STIM1: variants seen among roughly 807,000 people sequenced by gnomAD.
STIM1 encodes the protein stromal interaction molecule 1.
STIM1 carries 25 observed loss-of-function variants against 74.7 expected under a neutral mutation model. That is an observed-to-expected ratio of 0.33 (90% CI 0.24 to 0.47). The LOEUF is 0.47. STIM1 is among the 20% of genes least tolerant of loss of function. STIM1 has a pLI of 1.00. For synonymous variants in STIM1, 328 were observed against 348.8 expected (o/e 0.94, Z 0.66); for missense variants, 728 against 920.8 (o/e 0.79, Z 2.71).
chr11:3,965,002 G>C (rs893930500), intron 1 of STIM1, among the ~76,000 whole-genome samples: 1 of 152,218 alleles, frequency 6.6e-6, no homozygotes, highest in African/African-American at 2.4e-5. Context: ...TGGGATCACA[G>C]GTGTGAGCCA....
intron 1 of STIM1, among the ~76,000 whole-genome samples, chr11:3,920,669 G>C (rs2092706123): frequency 6.6e-6 from 1 of 152,150 alleles, no homozygotes; most frequent in South Asian, 2.1e-4. Context: ...ATAGTGGGAA[G>C]GCTAAGTGGA....
intron 2 of STIM1, among the ~76,000 whole-genome samples, chr11:3,998,705 G>C (rs1172357881): frequency 6.6e-6 from 1 of 152,106 alleles, no homozygotes; most frequent in Non-Finnish European, 1.5e-5. Flanking sequence ...GAGAACTAAG[G>C]GAACAAATAG....
intron 1 of STIM1, among the ~76,000 whole-genome samples, chr11:3,870,737 A>G (rs2091052241): frequency 1.3e-5 from 2 of 151,930 alleles, no homozygotes; most frequent in Admixed American, 1.3e-4. Context: ...AGCTCAAGCA[A>G]TCCACCCACC....
chr11:4,076,619 A>G (rs2094438861), intron 7 of STIM1, among the ~76,000 whole-genome samples: 1 of 149,696 alleles, frequency 6.7e-6, no homozygotes, highest in Non-Finnish European at 1.5e-5. Flanking sequence ...GTCTTTTCAC[A>G]TTTAGGGATA....
At chr11:3,967,733 T>A in intron 2 of STIM1, 51 bp downstream of exon 2, 3 of 1,612,542 alleles carry the variant, frequency 1.9e-6, no homozygotes, top group Non-Finnish European at 2.5e-6. Context: ...TGTGAATTAG[T>A]CTTTGAAAGC....
chr11:3,862,962 G>A (rs549524584), intron 1 of STIM1, among the ~76,000 whole-genome samples: 9 of 151,750 alleles, frequency 5.9e-5, no homozygotes, highest in Admixed American at 5.3e-4. Context: ...GCGCCATCTC[G>A]GCTCACTGCA....
chr11:4,086,821 G>C, intron 12 of STIM1: 1 of 1,536,334 alleles, frequency 6.5e-7, no homozygotes, highest in Non-Finnish European at 8.7e-7. Context: ...ACCCCCTTCT[G>C]ACAGCACCGC....
intron 2 of STIM1, among the ~76,000 whole-genome samples, chr11:3,987,372 C>CTGTGACACTTCATAAGCTT (rs2093567052): frequency 6.6e-6 from 1 of 152,178 alleles, no homozygotes; most frequent in South Asian, 2.1e-4. Context: ...TCTTTTTCCT[C>CTGTGACACTTCATAAGCTT]TGTGACACTT....
chr11:3,997,462 C>T (rs2135885387), intron 2 of STIM1, among the ~76,000 whole-genome samples: 1 of 152,076 alleles, frequency 6.6e-6, no homozygotes, highest in Admixed American at 6.5e-5. Context: ...CAAGACCAGC[C>T]TTAGCAATAT....
chr11:4,016,882 C>T (rs1259133393), intron 2 of STIM1, among the ~76,000 whole-genome samples: 1 of 152,238 alleles, frequency 6.6e-6, no homozygotes, highest in African/African-American at 2.4e-5. Flanking sequence ...GAGCCAGGCA[C>T]AGGAGGGAAT....
Position 3,948,018 on chromosome 11 carries a change from A to C in STIM1, c.140-19534A>C, listed in dbSNP as rs2057525107. ...TTGTGGAGAAAGCAAAAAGACACTC[A>C]AGTTCCATTCTAGAGGAGCTAACAG... On this transcript the variant is annotated intron_variant, in intron 1 of 12. Transcript: ENST00000526596. 3.3e-5 allele frequency among the ~76,000 whole-genome samples: 5 copies of C among 152,158 alleles called. No homozygotes were observed. The South Asian group carries it at 1.0e-3, about 31-fold the overall frequency.
At chr11:4,069,403 CT>C (rs2094389436) in intron 5 of STIM1, among the ~76,000 whole-genome samples, 1 of 152,098 alleles carries the variant, frequency 6.6e-6, no homozygotes, top group African/African-American at 2.4e-5. Flanking sequence ...GGTATAATGT[CT>C]CATCCATATG....
chr11:3,869,919 G>C (rs931633235), intron 1 of STIM1, among the ~76,000 whole-genome samples: 1 of 152,136 alleles, frequency 6.6e-6, no homozygotes, highest in African/African-American at 2.4e-5. Flanking sequence ...GGGAAGGAAA[G>C]AAAGAAAAGA....
chr11:3,885,914 AGGCGTGAGCCACTGTGCGT>A (rs750750005), intron 1 of STIM1, among the ~76,000 whole-genome samples: 4 of 152,340 alleles, frequency 2.6e-5, no homozygotes, highest in Non-Finnish European at 4.4e-5. Flanking sequence ...TTGGGATTAC[AGGCGTGAGCCACTGTGCGT>A]GGCCCCATTC....
In STIM1 at chr11:3,916,543, C is replaced by T. The variant is rs999394005; in HGVS notation, c.140-51009C>T. ...CTCGGCTCACTGCAACCTCTGCCTC[C>T]TGGGTTCAAGTGATTCTCCTGCCTC... is the stretch of plus-strand genomic sequence containing the variant. On this transcript the variant is annotated intron_variant, in intron 1 of 12. Coordinates refer to ENST00000526596, the MANE Select transcript of STIM1 (RefSeq NM_001382567.1). 2.6e-5 allele frequency among the ~76,000 whole-genome samples: 4 copies of T among 151,772 alleles called. No individual in the cohort carries two copies. In the East Asian group the frequency reaches 7.8e-4, roughly 29 times the overall value.
At position 4,009,019 on chromosome 11, in the gene STIM1, C is replaced by G. The variant is rs144241308; in HGVS notation, c.271-14854C>G. Among the ~76,000 whole-genome samples, 490 of 151,710 alleles carry G rather than the reference C, an allele frequency of 3.2e-3. 5 individuals carry two copies. The highest frequency in any genetic ancestry group is 5.1e-3 in the Non-Finnish European group (348 of 67,886). On this transcript the variant is annotated intron_variant, in intron 2 of 12. Transcript: ENST00000526596. Reference sequence around the variant, plus strand: ...TAAAAAGTTGCATTTTGGCTGGGTGCGGTGGCTCACGCCTGTAATCCCAGC... The same window carrying G: ...TAAAAAGTTGCATTTTGGCTGGGTGGGGTGGCTCACGCCTGTAATCCCAGC...
intron 3 of STIM1, among the ~76,000 whole-genome samples, chr11:4,038,171 A>G (rs2094119372): frequency 6.6e-6 from 1 of 151,896 alleles, no homozygotes; most frequent in South Asian, 2.1e-4. Context: ...AGTAGCTGGA[A>G]TAACAGGTGC....
At chr11:3,979,098 G>A (rs752019635) in intron 2 of STIM1, among the ~76,000 whole-genome samples, 21 of 152,152 alleles carry the variant, frequency 1.4e-4, no homozygotes, top group Non-Finnish European at 2.1e-4. Context: ...AGTATATAGG[G>A]AGAGAGTAGG....
chr11:3,976,312 A>G (rs917056914), intron 2 of STIM1, among the ~76,000 whole-genome samples: 5 of 152,236 alleles, frequency 3.3e-5, no homozygotes, highest in Non-Finnish European at 7.3e-5. Flanking sequence ...GATTCTATTT[A>G]TATGACATTC....
Sources: allele counts gnomAD v4.1 joint callset (sites outside exome capture counted in the v4.1 genomes callset), GRCh38; gene constraint gnomAD v4.1.1; transcripts MANE v1.5; gene names NCBI Gene and HGNC (gene_info 2026-07-23, HGNC 2026-07-21).